DNAH9: variants seen among roughly 807,000 people sequenced by gnomAD.
The protein encoded by DNAH9 is dynein axonemal heavy chain 9.
DNAH9 carries 345 observed loss-of-function variants against 471.6 expected under a neutral mutation model. That is an observed-to-expected ratio of 0.73 (90% CI 0.67 to 0.80). The LOEUF (loss-of-function observed/expected upper bound fraction) is 0.80, where lower values mean the gene tolerates loss of function less well. Among genes scored for constraint, DNAH9 ranks in the 30% least tolerant of loss-of-function variants. The pLI is 0.00. For missense variants in DNAH9, 5,407 were observed against 5,609.2 expected, an observed-to-expected ratio of 0.96 and a Z score of 1.15; for synonymous variants, 2,093 against 2,123.6, an observed-to-expected ratio of 0.99 and a Z score of 0.40.
chr17:11,784,103 C>A (rs1407877821), intron 40 of DNAH9, among the ~76,000 whole-genome samples, 197 bp from the exon 41 acceptor site: 2 of 152,152 alleles, frequency 1.3e-5, no homozygotes, highest in South Asian at 2.1e-4. Flanking sequence ...AGGCTGCCAT[C>A]TTTAACTGAA....
chr17:11,624,701 T>C (rs1770179935), intron 6 of DNAH9, among the ~76,000 whole-genome samples: 1 of 152,114 alleles, frequency 6.6e-6, no homozygotes, highest in South Asian at 2.1e-4. Flanking sequence ...TATAGGGAGT[T>C]GTGAAGGTCT....
At position 11,901,771 on chromosome 17, in the gene DNAH9, A is replaced by T. The variant is rs1973426769; in HGVS notation, c.11407-948A>T. On this transcript the variant is annotated intron_variant, in intron 59 of 68. Coordinates refer to ENST00000262442, the MANE Select transcript of DNAH9 (RefSeq NM_001372.4). The stretch of plus-strand genomic sequence containing the variant: ...TAAAATATATATCTGTCACAAAAAA[A>T]CTCATAATGTTTCATGAAAGTTTAT... Among the ~76,000 whole-genome samples the T allele has an allele frequency of 2.0e-5, 3 of 152,136 alleles. No individual in the cohort carries two copies. In the South Asian group the frequency reaches 6.2e-4, roughly 32 times the overall value.
chr17:11,726,765 AAGGCTGGGCATGGTGGC>A (rs2075159597), intron 27 of DNAH9, among the ~76,000 whole-genome samples: 1 of 152,114 alleles, frequency 6.6e-6, no homozygotes, highest in Non-Finnish European at 1.5e-5. Context: ...ATGCCCACTG[AAGGCTGGGCATGGTGGC>A]TTATGCCTGT....
At chr17:11,752,541 T>C (rs9908883) in intron 32 of DNAH9, among the ~76,000 whole-genome samples, 143,039 of 152,208 alleles carry the variant, frequency 0.94, 67,552 homozygotes, top group Non-Finnish European at 0.99. Context: ...GTGGCACGCA[T>C]CTCTAGTCCC....
intron 68 of DNAH9, among the ~76,000 whole-genome samples, chr17:11,968,923 G>T (rs1160209266): frequency 5.3e-5 from 8 of 152,210 alleles, no homozygotes; most frequent in African/African-American, 1.4e-4. Context: ...TTTACTGGCA[G>T]AAACTGTGTC....
intron 10 of DNAH9, among the ~76,000 whole-genome samples, chr17:11,642,972 A>T (rs923469215): frequency 6.6e-6 from 1 of 152,214 alleles, no homozygotes; most frequent in African/African-American, 2.4e-5. Flanking sequence ...AGCTCGAGGG[A>T]TCTGATGAAG....
At chr17:11,894,167 C>T (rs1973151716) in intron 58 of DNAH9, among the ~76,000 whole-genome samples, 2 of 152,172 alleles carry the variant, frequency 1.3e-5, no homozygotes, top group Admixed American at 6.5e-5. Flanking sequence ...AGTTCAGTCA[C>T]TCTCATATTT....
intron 20 of DNAH9, among the ~76,000 whole-genome samples, chr17:11,692,898 T>C (rs2074358154): frequency 6.6e-6 from 1 of 152,144 alleles, no homozygotes; most frequent in African/African-American, 2.4e-5. Flanking sequence ...AATGGGTTTA[T>C]TATTGTTACT....
At chr17:11,643,210 C>T (rs907042267) in intron 10 of DNAH9, among the ~76,000 whole-genome samples, 10 of 152,326 alleles carry the variant, frequency 6.6e-5, no homozygotes, top group East Asian at 1.9e-4. Context: ...CACTCTCTTC[C>T]GTGGTCCTTA....
intron 45 of DNAH9, among the ~76,000 whole-genome samples, chr17:11,815,120 A>G (rs1161406103): frequency 6.6e-6 from 1 of 152,078 alleles, no homozygotes; most frequent in African/African-American, 2.4e-5. Flanking sequence ...CTCCAGCTGC[A>G]AAACAGAAAC....
At chr17:11,881,179 C>A in intron 54 of DNAH9, 30 bp from the exon 55 acceptor site, 1 of 1,611,506 alleles carries the variant, frequency 6.2e-7, no homozygotes, top group South Asian at 1.1e-5. Context: ...AGGAAGGCAC[C>A]TTACCTTCAC....
intron 66 of DNAH9, among the ~76,000 whole-genome samples, chr17:11,940,596 ACTTT>A (rs886093462): frequency 1.3e-5 from 2 of 152,202 alleles, no homozygotes; most frequent in Non-Finnish European, 2.9e-5. Context: ...ATTGGTTTTT[ACTTT>A]CTTTTTTCTA....
At chr17:11,782,312 A>C (rs550671810) in intron 39 of DNAH9, among the ~76,000 whole-genome samples, 2 of 152,342 alleles carry the variant, frequency 1.3e-5, no homozygotes, top group African/African-American at 4.8e-5. Context: ...AAATTCTACC[A>C]TATGGCCTTA....
chr17:11,754,623 G>C (rs759083258), intron 33 of DNAH9, among the ~76,000 whole-genome samples: 2 of 152,102 alleles, frequency 1.3e-5, no homozygotes, highest in Non-Finnish European at 2.9e-5. Flanking sequence ...CACAAAAATT[G>C]TCATCTTTAG....
At position 11,797,561 on chromosome 17, in the gene DNAH9, A is replaced by G. The variant is rs375601282; in HGVS notation, c.8224-36A>G. On this transcript the variant is annotated intron_variant, in intron 42 of 68. Coordinates refer to ENST00000262442, the MANE Select transcript of DNAH9 (RefSeq NM_001372.4). Reference sequence around the variant, plus strand: ...TCTGTGGAACCAGCCCCAGAAGTCAATAATGAGGGCCCTTATTCCTGTGTC... The same window carrying G: ...TCTGTGGAACCAGCCCCAGAAGTCAGTAATGAGGGCCCTTATTCCTGTGTC... 2.6e-6 allele frequency: 4 copies of G among 1,565,750 alleles called. No individual in the cohort carries two copies. In the African/African-American group the frequency reaches 5.4e-5, roughly 21 times the overall value.
In DNAH9 at chr17:11,871,656, A is replaced by G. The variant is rs1216506533; in HGVS notation, c.10112A>G (p.Gln3371Arg). 6 of 1,614,096 alleles carry G rather than the reference A, an allele frequency of 3.7e-6. No homozygotes were observed. The highest frequency in any genetic ancestry group is 5.1e-6 in the Non-Finnish European group (6 of 1,180,040). The change falls in exon 52 of 69, where the codon CAG becomes CGG. Residue 3371 changes from glutamine (Q) to arginine (R), a missense_variant. By Grantham distance (43) the Gln-to-Arg change is conservative (BLOSUM62 1). Around this residue, in one of 3 missense-constraint regions of DNAH9, gnomAD observed 4,636 missense variants for 4,900.3 expected, o/e 0.95. Coordinates refer to ENST00000262442, the MANE Select transcript of DNAH9 (RefSeq NM_001372.4). The stretch of plus-strand genomic sequence containing the variant: ...GCAGATGCCGTGCAGAACTTCAAAC[A>G]GCAGGAAAGGACGTTATGTGGAGAC... ...RWADAVQNFK[Q>R]QERTLCGDIL...
chr17:11,647,258 G>C (rs932660640), intron 12 of DNAH9, 60 bp downstream of exon 12: 3 of 1,515,830 alleles, frequency 2.0e-6, no homozygotes, highest in East Asian at 2.3e-5. Context: ...GAACTCTGCT[G>C]ATTTCAAAAG....
intron 48 of DNAH9, among the ~76,000 whole-genome samples, chr17:11,828,527 G>A (rs60552423): frequency 0.35 from 53,027 of 149,808 alleles, 10,330 homozygotes; most frequent in Non-Finnish European, 0.45. Context: ...AATATTTGTT[G>A]AATGAATAAA....
At position 11,866,824 on chromosome 17, in the gene DNAH9, C is replaced by T. The variant is rs189638387; in HGVS notation, c.9934-2310C>T. Reference sequence around the variant, plus strand: ...TCTGTGGGCATAGGACCCTCCGAGCCAGGTGCAGGATATAATCTCCTGGTG... The same window carrying T: ...TCTGTGGGCATAGGACCCTCCGAGCTAGGTGCAGGATATAATCTCCTGGTG... On this transcript the variant is annotated intron_variant, in intron 50 of 68. Transcript: ENST00000262442. Among the ~76,000 whole-genome samples, 5 of 152,360 alleles carry T rather than the reference C, an allele frequency of 3.3e-5. No individual in the cohort carries two copies. In the East Asian group the frequency reaches 9.7e-4, roughly 29 times the overall value.
Sources: gnomAD v4.1 joint callset for allele counts (sites outside exome capture counted in the v4.1 genomes callset) on GRCh38, gnomAD v4.1.1 for gene constraint, gnomAD v4.1.1 regional missense constraint, MANE v1.5 for transcripts, NCBI Gene and HGNC (gene_info 2026-07-23, HGNC 2026-07-21) for gene names.